Variants in SLC4A1AP observed in about 807,000 individuals in gnomAD.
SLC4A1AP encodes solute carrier family 4 member 1 adaptor protein.
SLC4A1AP carries 64 observed loss-of-function variants against 89.7 expected under a neutral mutation model. The observed-to-expected ratio is 0.71, with a 90% CI of 0.58 to 0.88. SLC4A1AP has a LOEUF of 0.88. Among genes scored for constraint, SLC4A1AP ranks in the 40% least tolerant of loss-of-function variants. The pLI is 0.00. For synonymous variants in SLC4A1AP, 366 were observed against 353.3 expected, an observed-to-expected ratio of 1.04 and a Z score of -0.40; for missense variants, 931 against 965.0, an observed-to-expected ratio of 0.96 and a Z score of 0.47.
chr2:27,693,785 G>T (rs768860260), intron 13 of SLC4A1AP, 31 bp downstream of exon 13: 5 of 1,536,192 alleles, frequency 3.3e-6, no homozygotes, highest in Non-Finnish European at 4.5e-6. Flanking sequence ...TTTCCTCTAA[G>T]GTTCATTTAT....
intron 4 of SLC4A1AP, 48 bp from the exon 5 acceptor site, chr2:27,669,200 A>G (rs764341258): frequency 1.2e-5 from 19 of 1,547,062 alleles, no homozygotes; most frequent in Non-Finnish European, 1.6e-5. Flanking sequence ...TGTTTTCTTG[A>G]GAATTGGAGC....
chr2:27,665,128 C>G, exon 2 of SLC4A1AP: 1 of 1,612,094 alleles, frequency 6.2e-7, no homozygotes, highest in Non-Finnish European at 8.5e-7. Context: ...GAGGCAGAAT[C>G]CGAGTTAACA....
At chr2:27,677,663 A>G in intron 7 of SLC4A1AP, 75 bp from the exon 8 acceptor site, 1 of 1,257,948 alleles carries the variant, frequency 7.9e-7, no homozygotes, top group Non-Finnish European at 1.1e-6. Flanking sequence ...AGTGACTTTT[A>G]TATGGAAACT....
At chr2:27,670,865 A>G (rs1476359725) in intron 5 of SLC4A1AP, among the ~76,000 whole-genome samples, 8 of 151,630 alleles carry the variant, frequency 5.3e-5, no homozygotes, top group Admixed American at 3.9e-4. Flanking sequence ...CGTCTCAAAA[A>G]TAAATAATTA....
intron 3 of SLC4A1AP, chr2:27,668,526 T>C: frequency 2.0e-6 from 1 of 494,592 alleles, no homozygotes; most frequent in Non-Finnish European, 3.9e-6. Context: ...CTTGGCTCAC[T>C]GCAACCTTGA....
At chr2:27,684,171 T>C (rs1231128455) in intron 9 of SLC4A1AP, among the ~76,000 whole-genome samples, 1 of 152,044 alleles carries the variant, frequency 6.6e-6, no homozygotes, top group Non-Finnish European at 1.5e-5. Context: ...TCATACCTGT[T>C]ATCCCAGCAC....
exon 1 of SLC4A1AP, chr2:27,664,050 G>T (rs757248796): frequency 6.2e-7 from 1 of 1,614,206 alleles, no homozygotes; most frequent in Non-Finnish European, 8.5e-7. Flanking sequence ...CCCTGAGGAG[G>T]TACAGAAGGA....
intron 5 of SLC4A1AP, among the ~76,000 whole-genome samples, chr2:27,671,399 T>G (rs962518715): frequency 6.6e-6 from 1 of 152,238 alleles, no homozygotes; most frequent in Admixed American, 6.5e-5. Context: ...GGGTAATAAT[T>G]GCGTTTGCTT....
intron 10 of SLC4A1AP, among the ~76,000 whole-genome samples, chr2:27,687,082 G>A (rs1675714330): frequency 6.6e-6 from 1 of 152,032 alleles, no homozygotes; most frequent in Non-Finnish European, 1.5e-5. Flanking sequence ...GGGATTATAG[G>A]CGTAAGCCAC....
chr2:27,677,428 C>A, intron 7 of SLC4A1AP, 64 bp downstream of exon 7: 1 of 1,086,436 alleles, frequency 9.2e-7, no homozygotes, highest in Non-Finnish European at 1.4e-6. Flanking sequence ...GGCACTGGGG[C>A]TACATTAGTT....
chr2:27,682,173 T>TC lies in SLC4A1AP; in HGVS notation c.1764-74dup, dbSNP rs1371209686. ...TTTTATTTTGCCAGAGGTTTCTTTG[T>TC]CAGTATCATGGTATTTTTAGATAAA... On this transcript the variant is annotated intron_variant, in intron 8 of 13. Coordinates refer to ENST00000613058, the Ensembl canonical transcript of SLC4A1AP. 7 of 898,346 alleles carry TC rather than the reference T, an allele frequency of 7.8e-6. No homozygotes were observed. In the Admixed American group the frequency reaches 1.4e-4, roughly 18 times the overall value. 55.6% of individuals were successfully genotyped at this position (898,346 alleles called of 1,614,324 possible).
In SLC4A1AP at chr2:27,683,176, A is replaced by G. The variant is rs556536941; in HGVS notation, c.1875+817A>G. ...AGATCACACCAGCGTTATGTAACTAAGCTGGTAATCAGATCCAGGTCTGTC... is the reference window on the plus strand; with the variant it reads ...AGATCACACCAGCGTTATGTAACTAGGCTGGTAATCAGATCCAGGTCTGTC... On this transcript the variant is annotated intron_variant, in intron 9 of 13. Transcript: ENST00000613058. 2.0e-5 allele frequency among the ~76,000 whole-genome samples: 3 copies of G among 152,348 alleles called. No homozygotes were observed. The East Asian group carries it at 5.8e-4, about 29-fold the overall frequency.
At chr2:27,694,518 C>T (rs959159797) in intron 13 of SLC4A1AP, 116 bp from the exon 14 acceptor site, 15 of 614,094 alleles carry the variant, frequency 2.4e-5, no homozygotes, top group Admixed American at 1.1e-4. Flanking sequence ...AAATTTCTAC[C>T]GTAGAATAAA....
At chr2:27,686,332 A>G (rs1265695747) in intron 10 of SLC4A1AP, among the ~76,000 whole-genome samples, 3 of 152,218 alleles carry the variant, frequency 2.0e-5, no homozygotes, top group Non-Finnish European at 4.4e-5. Context: ...TCTTTGGGCC[A>G]TATATTGTGA....
chr2:27,684,351 C>T (rs560529825), intron 9 of SLC4A1AP, among the ~76,000 whole-genome samples: 8 of 150,710 alleles, frequency 5.3e-5, no homozygotes, highest in South Asian at 2.1e-4. Flanking sequence ...TCGCTTGAAC[C>T]GGGGAGGCAG....
At chr2:27,669,062 G>A (rs1349294805) in intron 4 of SLC4A1AP, among the ~76,000 whole-genome samples, 159 bp downstream of exon 4, 1 of 152,162 alleles carries the variant, frequency 6.6e-6, no homozygotes, top group African/African-American at 2.4e-5. Flanking sequence ...TTATTGGAGA[G>A]TGGGGTGGGA....
At chr2:27,671,980 CT>C (rs969864929) in intron 5 of SLC4A1AP, among the ~76,000 whole-genome samples, 3 of 152,192 alleles carry the variant, frequency 2.0e-5, no homozygotes, top group African/African-American at 4.8e-5. Flanking sequence ...AACAATTTTT[CT>C]TATTTTACAT....
At chr2:27,670,239 C>G (rs1258362472) in intron 5 of SLC4A1AP, among the ~76,000 whole-genome samples, 2 of 152,020 alleles carry the variant, frequency 1.3e-5, no homozygotes, top group African/African-American at 4.8e-5. Context: ...CTCAGGTGAT[C>G]CACCCGCCTT....
chr2:27,694,501 A>G lies in SLC4A1AP; in HGVS notation c.2342-133A>G, dbSNP rs116340639. 2.2e-3 allele frequency: 1,181 copies of G among 531,004 alleles called. 12 individuals are homozygous for G. The highest frequency in any genetic ancestry group is 0.02 in the African/African-American group (1,041 of 51,136). The allele number at this position is 531,004 out of a possible 1,614,324, so 32.9% of individuals were successfully genotyped here. A position where few individuals can be genotyped will look rare whatever the true frequency, so the allele number is the denominator to read the frequency against. ...GGGCTGTATTTTGAAATTTCATACA[A>G]AAAGTAAAATTTCTACCGTAGAATA... On this transcript the variant is annotated intron_variant, in intron 13 of 13. Transcript: ENST00000613058.
Sources: gnomAD v4.1 joint callset for allele counts (sites outside exome capture counted in the v4.1 genomes callset) on GRCh38, gnomAD v4.1.1 for gene constraint, MANE v1.5 for transcripts, NCBI Gene and HGNC (gene_info 2026-07-23, HGNC 2026-07-21) for gene names.